Variants in NPAS3 observed in about 807,000 individuals in gnomAD.
NPAS3 encodes neuronal PAS domain protein 3.
Under a neutral mutation model 73.1 loss-of-function variants are expected in NPAS3, and 14 were observed. The ratio of observed to expected loss-of-function variants is 0.19; its 90% CI spans 0.13 to 0.30. NPAS3 has a LOEUF of 0.30. Ranked by LOEUF, NPAS3 falls within the 10% of genes least tolerant of loss-of-function variation. The pLI, the probability that NPAS3 is intolerant of heterozygous loss-of-function variation, is 1.00. For missense variants in NPAS3, 1,096 were observed against 1,250.0 expected, an observed-to-expected ratio of 0.88 and a Z score of 1.86; for synonymous variants, 620 against 541.5, an observed-to-expected ratio of 1.14 and a Z score of -2.01.
chr14:33,381,290 G>A lies in NPAS3; in HGVS notation c.468+14022G>A, dbSNP rs139960643. Reference sequence around the variant, plus strand: ...TTAATCTTCCGGAAGATATTGTTACGTCTTTCTAAATATAAAGTACCCAGG... The same window carrying A: ...TTAATCTTCCGGAAGATATTGTTACATCTTTCTAAATATAAAGTACCCAGG... On this transcript the variant is annotated intron_variant, in intron 4 of 11. Transcript: ENST00000356141. Among the ~76,000 whole-genome samples the A allele has an allele frequency of 7.2e-4, 110 of 152,248 alleles. 1 individual carries two copies. The East Asian group carries it at 0.016, about 23-fold the overall frequency.
intron 7 of NPAS3, among the ~76,000 whole-genome samples, chr14:33,750,374 T>C (rs1254907759): frequency 6.6e-6 from 1 of 152,152 alleles, no homozygotes; most frequent in Non-Finnish European, 1.5e-5. Flanking sequence ...AGAGATTTAT[T>C]ACTCCCCATG....
At chr14:33,029,127 G>C (rs1241940848) in intron 1 of NPAS3, among the ~76,000 whole-genome samples, 1 of 152,118 alleles carries the variant, frequency 6.6e-6, no homozygotes, top group Non-Finnish European at 1.5e-5. Context: ...ACAGGGGACT[G>C]TGTGATGCAG....
At chr14:33,688,371 T>C (rs2060145880) in intron 6 of NPAS3, among the ~76,000 whole-genome samples, 1 of 152,202 alleles carries the variant, frequency 6.6e-6, no homozygotes, top group Non-Finnish European at 1.5e-5. Context: ...CCTTTCCCAA[T>C]GTGTTTGACT....
upstream of NPAS3, among the ~76,000 whole-genome samples, chr14:32,935,650 G>T (rs1333720996): frequency 1.3e-5 from 2 of 152,162 alleles, no homozygotes; most frequent in African/African-American, 4.8e-5. Context: ...TGGTGAGAAG[G>T]AAGTTTTAAA....
At chr14:33,544,003 C>A (rs867967502) in intron 4 of NPAS3, among the ~76,000 whole-genome samples, 633 of 56,740 alleles carry the variant, frequency 0.011, 4 homozygotes, top group East Asian at 0.017. Flanking sequence ...ATATATATAT[C>A]TATATCAGGA....
chr14:33,757,294 A>G (rs1275653024), intron 7 of NPAS3, among the ~76,000 whole-genome samples: 1 of 152,200 alleles, frequency 6.6e-6, no homozygotes, highest in Non-Finnish European at 1.5e-5. Context: ...CACCATTTTC[A>G]AGGCGTTTTT....
intron 4 of NPAS3, among the ~76,000 whole-genome samples, chr14:33,485,683 G>C (rs10137606): frequency 6.6e-6 from 1 of 151,992 alleles, no homozygotes; most frequent in Admixed American, 6.6e-5. Context: ...AGTTTTCTAC[G>C]TACTATATAT....
At chr14:33,113,837 G>A (rs149139091) in intron 2 of NPAS3, among the ~76,000 whole-genome samples, 45,481 of 151,778 alleles carry the variant, frequency 0.3, 7,593 homozygotes, top group Admixed American at 0.47. Flanking sequence ...TTTGAGATAC[G>A]TCCCATCAAT....
At chr14:33,290,954 A>G (rs994768360) in intron 3 of NPAS3, among the ~76,000 whole-genome samples, 2 of 152,090 alleles carry the variant, frequency 1.3e-5, no homozygotes, top group African/African-American at 4.8e-5. Flanking sequence ...GGCTGCTTGG[A>G]TCTTGCCCCA....
chr14:33,127,581 C>T (rs535727660), intron 2 of NPAS3, among the ~76,000 whole-genome samples: 16 of 152,210 alleles, frequency 1.1e-4, no homozygotes, highest in African/African-American at 3.9e-4. Flanking sequence ...TATCCCTGCT[C>T]CCTTATAGAA....
At chr14:33,720,319 G>A (rs1264501661) in intron 6 of NPAS3, among the ~76,000 whole-genome samples, 2 of 152,114 alleles carry the variant, frequency 1.3e-5, no homozygotes, top group Non-Finnish European at 2.9e-5. Flanking sequence ...GCCTTTTCAA[G>A]GACAGAGGGG....
chr14:33,293,412 T>C (rs2042176208), intron 3 of NPAS3, among the ~76,000 whole-genome samples: 1 of 152,202 alleles, frequency 6.6e-6, no homozygotes, highest in African/African-American at 2.4e-5. Flanking sequence ...ATAAAAAGTG[T>C]TGATAGACAA....
intron 5 of NPAS3, among the ~76,000 whole-genome samples, chr14:33,615,148 C>T (rs1048271503): frequency 5.9e-5 from 9 of 152,016 alleles, no homozygotes; most frequent in East Asian, 5.8e-4. Context: ...CCATGGCCCG[C>T]GGATTAGGTT....
At chr14:33,180,776 G>A (rs1284622775) in intron 2 of NPAS3, among the ~76,000 whole-genome samples, 1 of 134,638 alleles carries the variant, frequency 7.4e-6, no homozygotes, top group Non-Finnish European at 1.5e-5. Flanking sequence ...TCCAGCCTGG[G>A]CGACAGAGCG....
intron 2 of NPAS3, among the ~76,000 whole-genome samples, chr14:33,199,810 A>G (rs1225365341): frequency 6.7e-6 from 1 of 150,284 alleles, no homozygotes; most frequent in African/African-American, 2.5e-5. Context: ...TTTCAGTAGC[A>G]CTACTACTGG....
chr14:33,428,368 A>T (rs2048641199), intron 4 of NPAS3, among the ~76,000 whole-genome samples: 1 of 152,138 alleles, frequency 6.6e-6, no homozygotes, highest in African/African-American at 2.4e-5. Context: ...GCACATAGTG[A>T]GCACTTGATA....
intron 1 of NPAS3, among the ~76,000 whole-genome samples, chr14:32,943,831 GGCACAT>G (rs1295632204): frequency 6.6e-6 from 1 of 151,976 alleles, no homozygotes; most frequent in Non-Finnish European, 1.5e-5. Context: ...TGGGACTACA[GGCACAT>G]GCCAATACGC....
chr14:33,194,840 T>A (rs2046293969), intron 2 of NPAS3, among the ~76,000 whole-genome samples: 1 of 152,144 alleles, frequency 6.6e-6, no homozygotes, highest in African/African-American at 2.4e-5. Flanking sequence ...GGCAGTTGCT[T>A]TCTGGTCAGT....
intron 6 of NPAS3, among the ~76,000 whole-genome samples, chr14:33,685,855 G>GC (rs1470263123): frequency 1.3e-5 from 2 of 152,102 alleles, no homozygotes; most frequent in African/African-American, 4.8e-5. Context: ...TGAAGAACTT[G>GC]CCCCCACACC....
Sources: allele counts gnomAD v4.1 joint callset (sites outside exome capture counted in the v4.1 genomes callset), GRCh38; gene constraint gnomAD v4.1.1; transcripts MANE v1.5; gene names NCBI Gene and HGNC (gene_info 2026-07-23, HGNC 2026-07-21).